The following LOC400499 variants were observed in gnomAD, a reference collection of about 807,000 sequenced individuals.
chr16:11,512,780 G>T, the LOC400499 span, among the ~76,000 whole-genome samples: 2 of 152,122 alleles, frequency 1.3e-5, no homozygotes, highest in East Asian at 1.9e-4. Context: ...AACTCAGTGG[G>T]ACACCACTGG....
chr16:11,514,760 C>T, the LOC400499 span, among the ~76,000 whole-genome samples: 2 of 152,136 alleles, frequency 1.3e-5, no homozygotes, highest in Non-Finnish European at 2.9e-5. Context: ...AAAGGCACAC[C>T]GGAGATGACA....
the LOC400499 span, among the ~76,000 whole-genome samples, chr16:11,477,492 C>T: frequency 5.3e-5 from 8 of 152,304 alleles, no homozygotes; most frequent in African/African-American, 1.7e-4. Flanking sequence ...CTTGGTTGGT[C>T]GGGAGGGCGT....
the LOC400499 span, among the ~76,000 whole-genome samples, chr16:11,484,282 CAGG>C: frequency 6.6e-6 from 1 of 152,070 alleles, no homozygotes; most frequent in Non-Finnish European, 1.5e-5. Flanking sequence ...GCTGGGATTA[CAGG>C]CGTGAGCCAC....
chr16:11,402,607 A>C, the LOC400499 span, among the ~76,000 whole-genome samples: 9 of 152,128 alleles, frequency 5.9e-5, no homozygotes, highest in African/African-American at 1.9e-4. Context: ...GGGGTTGGGG[A>C]GAGCCTGCTT....
chr16:11,502,212 C>G, the LOC400499 span: 1 of 399,010 alleles, frequency 2.5e-6, no homozygotes, highest in Admixed American at 4.4e-5. Context: ...ATGAGACACC[C>G]AGCAGTGCGG....
the LOC400499 span, among the ~76,000 whole-genome samples, chr16:11,375,161 A>G: frequency 8.6e-6 from 1 of 116,212 alleles, no homozygotes; most frequent in South Asian, 2.4e-4. Context: ...TAACTCTTTG[A>G]TGAATTGCCA....
chr16:11,411,967 ATCC>A, the LOC400499 span, among the ~76,000 whole-genome samples: 7 of 150,850 alleles, frequency 4.6e-5, no homozygotes, highest in Admixed American at 4.6e-4. Flanking sequence ...GACTCAAGTG[ATCC>A]TCCTGCCTCA....
chr16:11,417,609 G>A, the LOC400499 span: 13 of 360,920 alleles, frequency 3.6e-5, no homozygotes, highest in African/African-American at 6.4e-5. Context: ...CCCCAGTCCC[G>A]GGCTGTGCGC....
the LOC400499 span, among the ~76,000 whole-genome samples, chr16:11,483,994 CTTTTTTTT>C: frequency 3.4e-4 from 12 of 34,856 alleles, no homozygotes; most frequent in South Asian, 1.8e-3. Context: ...GAGGAAGGGA[CTTTTTTTT>C]TTTTTTTTTT....
the LOC400499 span, chr16:11,469,651 G>C: frequency 2.8e-5 from 11 of 399,002 alleles, no homozygotes; most frequent in East Asian, 3.9e-4. Context: ...GGCTTCTTGG[G>C]GGAACCAGCT....
the LOC400499 span, among the ~76,000 whole-genome samples, chr16:11,486,097 T>G: frequency 7.0e-6 from 1 of 142,444 alleles, no homozygotes; most frequent in African/African-American, 2.7e-5. Context: ...GATGGACGGA[T>G]AGATGGATGA....
At chr16:11,473,060 G>C in the LOC400499 span, 1 of 151,942 alleles carries the variant, frequency 6.6e-6, no homozygotes, top group African/African-American at 2.4e-5. Flanking sequence ...AGGTTGCAGA[G>C]AGCCGAGATT....
At chr16:11,442,236 T>C in the LOC400499 span, 2 of 152,236 alleles carry the variant, frequency 1.3e-5, no homozygotes, top group East Asian at 3.8e-4. Flanking sequence ...TTTTATTTTA[T>C]TTTAGAGACA....
the LOC400499 span, among the ~76,000 whole-genome samples, chr16:11,483,579 C>A: frequency 3.3e-5 from 5 of 151,896 alleles, no homozygotes; most frequent in Non-Finnish European, 4.4e-5. Flanking sequence ...TTAAAAAGGA[C>A]ATGTTGGCAA....
At chr16:11,473,908 T>G in the LOC400499 span, among the ~76,000 whole-genome samples, 1 of 152,194 alleles carries the variant, frequency 6.6e-6, no homozygotes. Context: ...CCGGCTTGAG[T>G]GCAGTGGCAT....
the LOC400499 span, among the ~76,000 whole-genome samples, chr16:11,519,544 C>G: frequency 6.6e-6 from 1 of 152,080 alleles, no homozygotes; most frequent in Non-Finnish European, 1.5e-5. Context: ...CAAGACCAGC[C>G]TGGCCAACAT....
chr16:11,392,172 G>A, the LOC400499 span: 4 of 399,102 alleles, frequency 1.0e-5, no homozygotes, highest in East Asian at 1.4e-4. Flanking sequence ...GGTGCCAGCA[G>A]CAGGTGTGGG....
At chr16:11,420,522 C>T in the LOC400499 span, among the ~76,000 whole-genome samples, 1 of 150,690 alleles carries the variant, frequency 6.6e-6, no homozygotes. Flanking sequence ...TGCAGCACAC[C>T]AGCATGGCAC....
At chr16:11,405,987 T>G in the LOC400499 span, among the ~76,000 whole-genome samples, 1 of 152,202 alleles carries the variant, frequency 6.6e-6, no homozygotes, top group Non-Finnish European at 1.5e-5. Context: ...GCCCTTTGCA[T>G]GTCTTGTTCC....
Sources: gnomAD v4.1 joint callset for allele counts (sites outside exome capture counted in the v4.1 genomes callset) on GRCh38, gnomAD v4.1.1 for gene constraint, MANE v1.5 for transcripts.